GNAI2: variants seen among roughly 807,000 people sequenced by gnomAD.
GNAI2 encodes guanine nucleotide-binding protein G(i) subunit alpha-2.
GNAI2 carries 4 observed loss-of-function variants against 36.8 expected under a neutral mutation model. That is an observed-to-expected ratio of 0.11 (90% CI 0.05 to 0.25). GNAI2 has a LOEUF of 0.25. Ranked by LOEUF, GNAI2 falls within the 10% of genes least tolerant of loss-of-function variation. The probability of loss-of-function intolerance (pLI) is 1.00; values close to 1 mark genes in which losing one functional copy is unlikely to be tolerated. For synonymous variants in GNAI2, 194 were observed against 194.1 expected, an observed-to-expected ratio of 1.00 and a Z score of 0.01; for missense variants, 230 against 481.3, an observed-to-expected ratio of 0.48 and a Z score of 4.89.
rs1700788272 is a variant in GNAI2 at position 50,259,061 on chromosome 3, GA to G, written c.*719del. 5.0e-6 allele frequency: 2 copies of G among 400,658 alleles called. No homozygotes were observed. Among genetic ancestry groups the G allele is most frequent in the Non-Finnish European group, 9.7e-6 (2 of 205,238 alleles). 24.8% of individuals were successfully genotyped at this position (400,658 alleles called of 1,614,324 possible). ...GTCCCTCTGCTGGCCGCCCCCGTGCGAGCGGCACCCCTGCCCTGCCCTCCAC... is the reference window on the plus strand; with the variant it reads ...GTCCCTCTGCTGGCCGCCCCCGTGCGGCGGCACCCCTGCCCTGCCCTCCAC... On this transcript the variant is annotated 3_prime_UTR_variant, in exon 9 of 9. Coordinates refer to ENST00000313601, the MANE Select transcript of GNAI2 (RefSeq NM_002070.4).
At position 50,255,504 on chromosome 3, in the gene GNAI2, C is replaced by T. The variant is rs1451979021; in HGVS notation, c.465-688C>T. On this transcript the variant is annotated intron_variant, in intron 4 of 8. Coordinates refer to ENST00000313601, the MANE Select transcript of GNAI2 (RefSeq NM_002070.4). The surrounding 1 kb of genome is among the most constrained non-coding windows in gnomAD (Gnocchi z 4.0). ...TCTGCGGCTAATGCCGTAATTGCGCCCATTAGCATCCTGAATCCTTCACCG... is the reference window on the plus strand; with the variant it reads ...TCTGCGGCTAATGCCGTAATTGCGCTCATTAGCATCCTGAATCCTTCACCG... Among the ~76,000 whole-genome samples, 1 of 152,200 alleles carries T rather than the reference C, an allele frequency of 6.6e-6. No homozygotes were observed. Among genetic ancestry groups the T allele is most frequent in the African/African-American group, 2.4e-5 (1 of 41,450 alleles).
intron 1 of GNAI2, among the ~76,000 whole-genome samples, chr3:50,249,472 G>A (rs1553702155): frequency 6.6e-6 from 1 of 152,130 alleles, no homozygotes; most frequent in East Asian, 1.9e-4. Context: ...GCCATGCACA[G>A]CCCAATGGGG....
At chr3:50,227,105 G>T, upstream of GNAI2, 1 of 1,345,906 alleles carries the variant, frequency 7.4e-7, no homozygotes. The surrounding 1 kb of genome is among the most constrained non-coding windows in gnomAD (Gnocchi z 5.9). Flanking sequence ...GTGGAAGCGC[G>T]AGAAGGAGGG....
In GNAI2 at chr3:50,241,933, G is replaced by A. The variant is rs1700308012; in HGVS notation, c.118+5480G>A. Among the ~76,000 whole-genome samples the A allele has an allele frequency of 6.6e-6, 1 of 152,182 alleles. No individual in the cohort carries two copies. The highest frequency in any genetic ancestry group is 1.9e-4 in the East Asian group (1 of 5,200). On this transcript the variant is annotated intron_variant, in intron 1 of 8. Coordinates refer to ENST00000313601, the MANE Select transcript of GNAI2 (RefSeq NM_002070.4). This position sits in a 1 kb window ranked among gnomAD's most constrained non-coding sequence, Gnocchi z 5.0. ...TTTGCCTGGCAAGTGGCAGCAGGTA[G>A]TGCTGAGGGTGGGGTGTGGTCAGGT... is the stretch of plus-strand genomic sequence containing the variant.
intron 1 of GNAI2, chr3:50,247,153 A>G (rs1559770581): frequency 1.4e-6 from 1 of 695,532 alleles, no homozygotes; most frequent in African/African-American, 1.8e-5. Context: ...TGTGCCCCAC[A>G]CTGTGAGAAG....
At chr3:50,246,505 G>T (rs894671491) in intron 1 of GNAI2, among the ~76,000 whole-genome samples, 4 of 152,228 alleles carry the variant, frequency 2.6e-5, no homozygotes, top group Non-Finnish European at 5.9e-5. Context: ...TGCCTTTGTG[G>T]TGGGCTCAGG....
upstream of GNAI2, among the ~76,000 whole-genome samples, chr3:50,231,647 AGACCCAC>A (rs782406107): frequency 1.3e-5 from 2 of 152,200 alleles, no homozygotes; most frequent in Non-Finnish European, 2.9e-5. Context: ...TGAGTGGGAG[AGACCCAC>A]GACCAGAATA....
intron 1 of GNAI2, among the ~76,000 whole-genome samples, chr3:50,250,370 C>T (rs1160260108): frequency 1.3e-5 from 2 of 152,202 alleles, no homozygotes; most frequent in Admixed American, 6.5e-5. Context: ...CCAAGTTTGA[C>T]CTCTGCACAG....
At position 50,255,552 on chromosome 3, in the gene GNAI2, A is replaced by C. The variant is rs1553703039; in HGVS notation, c.465-640A>C. On this transcript the variant is annotated intron_variant, in intron 4 of 8. Coordinates refer to ENST00000313601, the MANE Select transcript of GNAI2 (RefSeq NM_002070.4). The surrounding 1 kb of genome is among the most constrained non-coding windows in gnomAD (Gnocchi z 4.0). The stretch of plus-strand genomic sequence containing the variant: ...CCGAAGGACTAATTTGCCTCCTCCC[A>C]CCCTCTTTGCCTATAGCTCCAACAT... 6.6e-6 allele frequency among the ~76,000 whole-genome samples: 1 copy of C among 151,770 alleles called. No individual in the cohort carries two copies. The highest frequency in any genetic ancestry group is 1.5e-5 in the Non-Finnish European group (1 of 67,956).
chr3:50,257,830 T>C (rs1700746009), intron 8 of GNAI2, 116 bp downstream of exon 8: 1 of 572,600 alleles, frequency 1.7e-6, no homozygotes, highest in East Asian at 3.0e-5. Context: ...GGGCAATAGG[T>C]GACCAGGGGA....
chr3:50,240,469 G>A (rs999515361), intron 1 of GNAI2, among the ~76,000 whole-genome samples: 14 of 152,162 alleles, frequency 9.2e-5, no homozygotes, highest in Admixed American at 8.5e-4. Flanking sequence ...ACCTGAGTTC[G>A]AATCCCAGTT....
chr3:50,251,015 T>C (rs1575450464), intron 1 of GNAI2, among the ~76,000 whole-genome samples: 1 of 152,106 alleles, frequency 6.6e-6, no homozygotes, highest in African/African-American at 2.4e-5. Flanking sequence ...TTCAACATGT[T>C]GGCCAGGCTG....
Position 50,252,381 on chromosome 3 carries a change from G to A in GNAI2, c.162-16G>A. The A allele has an allele frequency of 6.2e-7, 1 of 1,613,262 alleles. No individual in the cohort carries two copies. Among genetic ancestry groups the A allele is most frequent in the South Asian group, 1.1e-5 (1 of 91,058 alleles). On this transcript the variant is annotated splice_polypyrimidine_tract_variant and intron_variant, in intron 2 of 8. Transcript: ENST00000313601. This position sits in a 1 kb window ranked among gnomAD's most constrained non-coding sequence, Gnocchi z 4.1. ...GTGCCCAGGGGACACTAACCTTCCT[G>A]GTCCCTGGCTATCAGGATCATCCAC...
intron 1 of GNAI2, among the ~76,000 whole-genome samples, chr3:50,243,336 G>A (rs1449956534): frequency 6.6e-6 from 1 of 152,178 alleles, no homozygotes; most frequent in African/African-American, 2.4e-5. Flanking sequence ...CTGGCGGGAG[G>A]GCTAGCAGGA....
intron 7 of GNAI2, 83 bp from the exon 8 acceptor site, chr3:50,257,417 A>G: frequency 1.1e-6 from 1 of 913,422 alleles, no homozygotes; most frequent in Non-Finnish European, 1.7e-6. Context: ...CTGGCCGTCC[A>G]CACGCACAGA....
intron 1 of GNAI2, chr3:50,239,912 G>A (rs1461374499): frequency 6.6e-6 from 1 of 152,382 alleles, no homozygotes; most frequent in East Asian, 1.9e-4. Context: ...GCTCAGACCA[G>A]AGCAATGCTG....
upstream of GNAI2, among the ~76,000 whole-genome samples, chr3:50,228,317 C>G (rs1700013018): frequency 1.3e-5 from 2 of 152,162 alleles, no homozygotes; most frequent in South Asian, 4.1e-4. Context: ...TCTGGGAGGC[C>G]GAGGTGGGCG....
In GNAI2 at chr3:50,256,845, A is replaced by T; in HGVS notation, c.716A>T (p.Glu239Val). 1 of 1,614,178 alleles carries T rather than the reference A, an allele frequency of 6.2e-7. No homozygotes were observed. The highest frequency in any genetic ancestry group is 8.5e-7 in the Non-Finnish European group (1 of 1,180,020). Reference sequence around the variant, plus strand: ...TATGACTTGGTGCTAGCTGAGGACGAGGAGATGGTGAGAGGATGAGAGAAT... The same window carrying T: ...TATGACTTGGTGCTAGCTGAGGACGTGGAGATGGTGAGAGGATGAGAGAAT... Reference protein sequence around the residue: ...SAYDLVLAEDEEMNRMHESMK... With the variant: ...SAYDLVLAEDVEMNRMHESMK... The change falls in exon 6 of 9, where the codon GAG (glutamate) becomes GTG (valine). Residue 239 changes from glutamate to valine, a missense_variant. Transcript: ENST00000313601.
At chr3:50,235,203 T>A (rs587756942), upstream of GNAI2, 902 of 142,732 alleles carry the variant, frequency 6.3e-3, 6 homozygotes, top group Middle Eastern at 0.035. Context: ...CAGATTGGAG[T>A]CCAGGATGGC....
Sources: allele counts gnomAD v4.1 joint callset (sites outside exome capture counted in the v4.1 genomes callset), GRCh38; gene constraint gnomAD v4.1.1; non-coding constraint Gnocchi (gnomAD v3.1); transcripts MANE v1.5; gene names NCBI Gene and HGNC (gene_info 2026-07-23, HGNC 2026-07-21).